Variants in ZNF277 observed in about 807,000 individuals in gnomAD.
ZNF277 encodes the protein zinc finger protein 277, also known as nuclear receptor-interacting factor 4.
In ZNF277, 55 loss-of-function variants were observed where a neutral mutation model predicts 60.7. The ratio of observed to expected loss-of-function variants is 0.91; its 90% CI spans 0.73 to 1.13. ZNF277 has a LOEUF of 1.13. Among genes scored for constraint, ZNF277 ranks in the 50% most tolerant of loss-of-function variants. The pLI is 0.00. For missense variants in ZNF277, 510 were observed against 523.0 expected, an observed-to-expected ratio of 0.98 and a Z score of 0.24; for synonymous variants, 178 against 179.3, an observed-to-expected ratio of 0.99 and a Z score of 0.06.
intron 1 of ZNF277, among the ~76,000 whole-genome samples, chr7:112,208,324 A>G (rs2729563): frequency 0.8 from 122,225 of 151,966 alleles, 49,224 homozygotes; most frequent in Middle Eastern, 0.85. Context: ...GTGGTGAGCC[A>G]TGATCCACCA....
In ZNF277 at chr7:112,334,318, T is replaced by C. The variant is rs187121935; in HGVS notation, c.802-1786T>C. On this transcript the variant is annotated intron_variant, in intron 7 of 11. Coordinates refer to ENST00000361822, the MANE Select transcript of ZNF277 (RefSeq NM_021994.3). ...GTCTGAACATCTTTAGTGATATGCC[T>C]TCCAAACTTTGTTTTTCTTACATTC... Among the ~76,000 whole-genome samples, 15 of 152,224 alleles carry C rather than the reference T, an allele frequency of 9.9e-5. 1 individual carries two copies. Among genetic ancestry groups the C allele is most frequent in the African/African-American group, 3.1e-4 (13 of 41,560 alleles).
intron 4 of ZNF277, among the ~76,000 whole-genome samples, chr7:112,305,788 T>C (rs916476181): frequency 2.0e-5 from 3 of 152,118 alleles, no homozygotes; most frequent in Non-Finnish European, 2.9e-5. Context: ...ATGACTGATA[T>C]ACCACTCTCC....
chr7:112,324,191 T>A (rs1284582391), intron 5 of ZNF277, among the ~76,000 whole-genome samples: 11 of 152,220 alleles, frequency 7.2e-5, no homozygotes, highest in Non-Finnish European at 1.2e-4. Context: ...ACCTTAGGCA[T>A]GCTTTGAACA....
intron 1 of ZNF277, among the ~76,000 whole-genome samples, chr7:112,266,793 G>A (rs932213271): frequency 2.6e-5 from 4 of 151,976 alleles, no homozygotes; most frequent in East Asian, 1.9e-4. Flanking sequence ...TTTCGGTTTC[G>A]AAATATCCCT....
chr7:112,276,334 C>T (rs759976936), intron 1 of ZNF277, among the ~76,000 whole-genome samples: 4 of 152,146 alleles, frequency 2.6e-5, no homozygotes, highest in Admixed American at 6.6e-5. Context: ...TCAACCCCTG[C>T]GTGTCTCATC....
At chr7:112,279,903 C>T (rs1439552009) in intron 1 of ZNF277, among the ~76,000 whole-genome samples, 1 of 152,042 alleles carries the variant, frequency 6.6e-6, no homozygotes, top group Admixed American at 6.6e-5. Flanking sequence ...ATTGGTTGTG[C>T]TGTTTCAGGT....
At chr7:112,306,430 G>T (rs184408320) in intron 4 of ZNF277, among the ~76,000 whole-genome samples, 76 of 152,134 alleles carry the variant, frequency 5.0e-4, no homozygotes, top group Non-Finnish European at 9.9e-4. Flanking sequence ...GGCCAGGCTG[G>T]TCTTGAACTC....
intron 4 of ZNF277, among the ~76,000 whole-genome samples, chr7:112,314,206 A>T (rs1043431269): frequency 2.6e-5 from 4 of 152,142 alleles, no homozygotes; most frequent in African/African-American, 4.8e-5. Flanking sequence ...CCAAGGCCAC[A>T]TTAAGAGCTA....
intron 9 of ZNF277, 110 bp from the exon 10 acceptor site, chr7:112,339,733 T>G: frequency 9.2e-7 from 1 of 1,091,370 alleles, no homozygotes; most frequent in Non-Finnish European, 1.4e-6. Flanking sequence ...GATACCGAAC[T>G]CAGACTGAGT....
chr7:112,294,429 G>A (rs192864675), intron 2 of ZNF277, among the ~76,000 whole-genome samples: 3 of 152,244 alleles, frequency 2.0e-5, no homozygotes, highest in East Asian at 1.9e-4. Flanking sequence ...CCAAGGAGTA[G>A]GGTGCATCAT....
chr7:112,264,493 G>A (rs73424424), intron 1 of ZNF277, among the ~76,000 whole-genome samples: 2,330 of 151,966 alleles, frequency 0.015, 66 homozygotes, highest in African/African-American at 0.053. Context: ...CTGAAGAATC[G>A]GTTAAACAAA....
rs910404728 is a variant in ZNF277, at chr7:112,271,111, T to G, written c.92-15762T>G. 3.3e-5 allele frequency among the ~76,000 whole-genome samples: 5 copies of G among 152,134 alleles called. No individual in the cohort carries two copies. In the East Asian group the frequency reaches 9.6e-4, roughly 29 times the overall value. On this transcript the variant is annotated intron_variant, in intron 1 of 11. Transcript: ENST00000361822. ...CATTTAGACATTCCATTGAAGCTAG[T>G]GCTAATCAGATTAACTGCTGGCAGA... is the stretch of plus-strand genomic sequence containing the variant.
In ZNF277 at chr7:112,242,052, A is replaced by G. The variant is rs138581167; in HGVS notation, c.91+35245A>G. Among the ~76,000 whole-genome samples, 22 of 152,188 alleles carry G rather than the reference A, an allele frequency of 1.4e-4. 1 individual carries two copies. In the East Asian group the frequency reaches 4.1e-3, roughly 28 times the overall value. ...AATACTTGAGGTGAATGGATATCCC[A>G]TTTCCTCTAATGTGGTTCTTATGCA... On this transcript the variant is annotated intron_variant, in intron 1 of 11. Transcript: ENST00000361822.
At chr7:112,224,449 A>G (rs925435190) in intron 1 of ZNF277, among the ~76,000 whole-genome samples, 5 of 152,230 alleles carry the variant, frequency 3.3e-5, no homozygotes, top group African/African-American at 1.2e-4. Context: ...ACTGGGCTCA[A>G]TTCCTAATAC....
At chr7:112,214,143 A>T (rs1821822526) in intron 1 of ZNF277, among the ~76,000 whole-genome samples, 1 of 152,226 alleles carries the variant, frequency 6.6e-6, no homozygotes, top group Admixed American at 6.5e-5. Flanking sequence ...ATTCATGCAA[A>T]AGAATAGTGC....
At chr7:112,241,711 T>C (rs1790958736) in intron 1 of ZNF277, among the ~76,000 whole-genome samples, 2 of 152,152 alleles carry the variant, frequency 1.3e-5, no homozygotes, top group Admixed American at 1.3e-4. Flanking sequence ...ACAACATGGA[T>C]GGAATTGGAG....
At chr7:112,246,515 T>C (rs977399512) in intron 1 of ZNF277, among the ~76,000 whole-genome samples, 1 of 152,028 alleles carries the variant, frequency 6.6e-6, no homozygotes, top group African/African-American at 2.4e-5. Flanking sequence ...CAAAAGTAAA[T>C]GGAAGATGAG....
At chr7:112,284,738 T>G (rs559632339) in intron 1 of ZNF277, among the ~76,000 whole-genome samples, 2 of 152,362 alleles carry the variant, frequency 1.3e-5, no homozygotes, top group African/African-American at 4.8e-5. Context: ...CAGTTTGATT[T>G]AGCATACTTT....
chr7:112,322,963 C>A (rs867997015), intron 5 of ZNF277, among the ~76,000 whole-genome samples: 1 of 152,158 alleles, frequency 6.6e-6, no homozygotes, highest in Non-Finnish European at 1.5e-5. Flanking sequence ...CCACTGAAGT[C>A]TCTGCACAGT....
Sources: gnomAD v4.1 joint callset for allele counts (sites outside exome capture counted in the v4.1 genomes callset) on GRCh38, gnomAD v4.1.1 for gene constraint, MANE v1.5 for transcripts, NCBI Gene and HGNC (gene_info 2026-07-23, HGNC 2026-07-21) for gene names.